PRG4: variants seen among roughly 807,000 people sequenced by gnomAD.
The protein encoded by PRG4 is articular superficial zone protein.
A neutral mutation model predicts 91.2 loss-of-function variants in PRG4; 61 were observed. The observed-to-expected ratio is 0.67, with a 90% CI of 0.54 to 0.83. The LOEUF (loss-of-function observed/expected upper bound fraction) is 0.83. PRG4 is among the 40% of genes least tolerant of loss of function. The probability of loss-of-function intolerance (pLI) is 0.00; values close to 1 mark genes in which losing one functional copy is unlikely to be tolerated. For synonymous variants in PRG4, 576 were observed against 614.2 expected (o/e 0.94, Z 0.92); for missense variants, 1,564 against 1,714.2 (o/e 0.91, Z 1.55).
At position 186,300,253 on chromosome 1, in the gene PRG4, C is replaced by T. The variant is rs757259119; in HGVS notation, c.199+40C>T. ...CGGGTGTCTCCTCTGTCAAGCAACA[C>T]TGCGAGTCTGTGAGTCCCCCCTTGC... On this transcript the variant is annotated intron_variant, in intron 3 of 12. Coordinates refer to ENST00000445192, the MANE Select transcript of PRG4 (RefSeq NM_005807.6). 10 of 1,612,630 alleles carry T rather than the reference C, an allele frequency of 6.2e-6. No individual in the cohort carries two copies. The African/African-American group carries it at 1.2e-4, about 19-fold the overall frequency.
At chr1:186,304,492 G>A (rs1656421181) in intron 5 of PRG4, among the ~76,000 whole-genome samples, 1 of 152,134 alleles carries the variant, frequency 6.6e-6, no homozygotes, top group Non-Finnish European at 1.5e-5. Context: ...AATCAGAAGG[G>A]ACAAATCTTA....
intron 2 of PRG4, among the ~76,000 whole-genome samples, chr1:186,299,299 A>G (rs1380149218): frequency 2.0e-5 from 3 of 152,240 alleles, no homozygotes; most frequent in Non-Finnish European, 4.4e-5. Flanking sequence ...AGTGGTTGTA[A>G]GCATCTGCCT....
At position 186,314,080 on chromosome 1, in the gene PRG4, G is replaced by C; in HGVS notation, c.*302G>C. 1 of 1,524,548 alleles carries C rather than the reference G, an allele frequency of 6.6e-7. No homozygotes were observed. Among genetic ancestry groups the C allele is most frequent in the Non-Finnish European group, 9.0e-7 (1 of 1,111,570 alleles). The allele number at this position is 1,524,548 out of a possible 1,614,324, so 94.4% of individuals were successfully genotyped here. A position where few individuals can be genotyped will look rare whatever the true frequency, so the allele number is the denominator to read the frequency against. ...TATATCTTTTAAGAATTCAAAACTA[G>C]TGTATTCACTTACCCTAGTTCATTA... On this transcript the variant is annotated 3_prime_UTR_variant, in exon 13 of 13. Transcript: ENST00000445192.
chr1:186,311,522 C>A lies in PRG4; in HGVS notation c.3719C>A (p.Thr1240Asn). 2 of 1,613,972 alleles carry A rather than the reference C, an allele frequency of 1.2e-6. No homozygotes were observed. The highest frequency in any genetic ancestry group is 1.7e-6 in the Non-Finnish European group (2 of 1,179,900). Residue 1240 changes from threonine to asparagine, a missense_variant, in exon 10 of 13, where the codon ACT (threonine) becomes AAT (asparagine). Transcript: ENST00000445192. ...ATTTTCAAAGGATTTGGAGGACTAA[C>A]TGGACAAATAGTGGCAGCGCTTTCA... Reference protein sequence around the residue: ...KPIFKGFGGLTGQIVAALSTA... With the variant: ...KPIFKGFGGLNGQIVAALSTA...
At chr1:186,310,016 A>G (rs569545050) in intron 8 of PRG4, 146 bp downstream of exon 8, 3 of 706,652 alleles carry the variant, frequency 4.2e-6, no homozygotes, top group Non-Finnish European at 7.6e-6. Flanking sequence ...TCCGAGAGTA[A>G]TAACAGAAAT....
At position 186,311,467 on chromosome 1, in the gene PRG4, G is replaced by A; in HGVS notation, c.3664G>A (p.Asp1222Asn). 1 of 1,613,602 alleles carries A rather than the reference G, an allele frequency of 6.2e-7. No individual in the cohort carries two copies. Among genetic ancestry groups the A allele is most frequent in the African/African-American group, 1.3e-5 (1 of 75,040 alleles). The change falls in exon 10 of 13, where the codon GAT (aspartate) becomes AAT (asparagine). Residue 1222 changes from aspartate to asparagine, a missense_variant. Transcript: ENST00000445192. ...KDSQYWRFTN[D>N]IKDAGYPKPI... is the part of the protein sequence containing the mutation. ...TTCTCAGTACTGGCGTTTTACCAATGATATAAAAGATGCAGGGTACCCCAA... is the reference window on the plus strand; with the variant it reads ...TTCTCAGTACTGGCGTTTTACCAATAATATAAAAGATGCAGGGTACCCCAA...
At chr1:186,302,922 T>C (rs1656312927) in intron 4 of PRG4, among the ~76,000 whole-genome samples, 1 of 152,104 alleles carries the variant, frequency 6.6e-6, no homozygotes, top group Admixed American at 6.5e-5. Context: ...ACCTAAAGTT[T>C]AGGTAGAACT....
rs763288617 is a variant in PRG4 at position 186,304,265 on chromosome 1, G to C, written c.469+8G>C. On this transcript the variant is annotated splice_region_variant and intron_variant, in intron 5 of 12. Transcript: ENST00000445192. ...CAGAGGAAATAACAGAAGGTAGGAA[G>C]ATGACAGATATAATCAAAGGAGCTT... 12 of 1,610,068 alleles carry C rather than the reference G, an allele frequency of 7.5e-6. No individual in the cohort carries two copies. Among genetic ancestry groups the C allele is most frequent in the Non-Finnish European group, 9.4e-6 (11 of 1,176,358 alleles).
intron 2 of PRG4, among the ~76,000 whole-genome samples, 190 bp downstream of exon 2, chr1:186,297,141 T>C (rs760277992): frequency 1.3e-5 from 2 of 152,214 alleles, no homozygotes; most frequent in Non-Finnish European, 2.9e-5. Context: ...TTTTTCTCCT[T>C]TTGAGAGTTT....
intron 10 of PRG4, 69 bp from the exon 11 acceptor site, chr1:186,312,106 G>C: frequency 7.1e-7 from 1 of 1,403,982 alleles, no homozygotes; most frequent in Non-Finnish European, 1.0e-6. Flanking sequence ...TGTAAAAGTT[G>C]TTTTCCACCT....
Position 186,304,128 on chromosome 1 carries a change from C to G in PRG4, c.340C>G (p.Pro114Ala). The G allele has an allele frequency of 6.2e-7, 1 of 1,614,058 alleles. No individual in the cohort carries two copies. The highest frequency in any genetic ancestry group is 1.1e-5 in the South Asian group (1 of 91,082). The change falls in exon 5 of 13, where the codon CCA becomes GCA. Residue 114 changes from proline to alanine, a missense_variant. Around this residue, in one of 3 missense-constraint regions of PRG4, gnomAD observed 437 missense variants for 459.0 expected, o/e 0.95. Coordinates refer to ENST00000445192, the MANE Select transcript of PRG4 (RefSeq NM_005807.6). ...CAEVHNPTSP[P>A]SSKKAPPPSG... Reference sequence around the variant, plus strand: ...CTCAGTGCATAATCCCACATCACCACCATCTTCAAAGAAAGCACCTCCACC... The same window carrying G: ...CTCAGTGCATAATCCCACATCACCAGCATCTTCAAAGAAAGCACCTCCACC...
chr1:186,302,415 C>A (rs1441672533), intron 4 of PRG4, among the ~76,000 whole-genome samples: 2 of 152,198 alleles, frequency 1.3e-5, no homozygotes, highest in Non-Finnish European at 2.9e-5. Flanking sequence ...TAAAAATATA[C>A]TTGAATACTG....
At chr1:186,313,606 T>G in intron 12 of PRG4, 75 bp from the exon 13 acceptor site, 1 of 855,776 alleles carries the variant, frequency 1.2e-6, no homozygotes, top group Non-Finnish European at 2.0e-6. Flanking sequence ...TTGAGCATAA[T>G]AGTCAACATA....
At chr1:186,309,948 C>CT (rs1657056595) in intron 8 of PRG4, 78 bp downstream of exon 8, 1 of 1,245,780 alleles carries the variant, frequency 8.0e-7, no homozygotes, top group Admixed American at 1.7e-5. Flanking sequence ...TGGAAGAGTG[C>CT]TAGTTTGGGT....
intron 1 of PRG4, 147 bp downstream of exon 1, chr1:186,296,440 T>C (rs142844853): frequency 0.02 from 3,179 of 162,896 alleles, 51 homozygotes; most frequent in Non-Finnish European, 0.031. Flanking sequence ...TGAATTTATA[T>C]TGAGAATTAA....
Position 186,307,528 on chromosome 1 carries a change from C to G in PRG4, c.1809C>G (p.Thr603=). Residue 603 remains threonine, a synonymous_variant, in exon 7 of 13, where the codon ACC becomes ACG. Transcript: ENST00000445192. ...CCACCACCAAGAAGCCTGCACCCAC[C>G]ACTCCCAAAGAGCCTGCCCCAACTA... ...APTTTKKPAP[T]TPKEPAPTTP... 2 of 1,571,458 alleles carry G rather than the reference C, an allele frequency of 1.3e-6. No homozygotes were observed. The highest frequency in any genetic ancestry group is 1.7e-6 in the Non-Finnish European group (2 of 1,149,496).
intron 12 of PRG4, 117 bp downstream of exon 12, chr1:186,313,011 TATTCTA>T (rs1657398335): frequency 2.7e-6 from 3 of 1,104,908 alleles, no homozygotes; most frequent in Non-Finnish European, 4.1e-6. Flanking sequence ...CTACGGTACT[TATTCTA>T]ATTGCTGTGG....
rs1656975333 is a variant in PRG4, at chr1:186,309,023, G to A, written c.3304G>A (p.Gly1102Arg). 1 of 1,611,476 alleles carries A rather than the reference G, an allele frequency of 6.2e-7. No individual in the cohort carries two copies. The highest frequency in any genetic ancestry group is 8.5e-7 in the Non-Finnish European group (1 of 1,178,446). Residue 1102 changes from glycine (G) to arginine (R), a missense_variant, in exon 7 of 13, where the codon GGA (glycine) becomes AGA (arginine). Around this residue, in one of 3 missense-constraint regions of PRG4, gnomAD observed 1,079 missense variants for 1,162.2 expected, o/e 0.93. Transcript: ENST00000445192. ...GAGTGAAGATGCAGGTGGTGCTGAA[G>A]GAGAAACACCTCATATGCTTCTCAG... ...PKSEDAGGAE[G>R]ETPHMLLRPH... is the part of the protein sequence containing the mutation.
At position 186,308,663 on chromosome 1, in the gene PRG4, G is replaced by A; in HGVS notation, c.2944G>A (p.Ala982Thr). 1 of 1,611,656 alleles carries A rather than the reference G, an allele frequency of 6.2e-7. No individual in the cohort carries two copies. The highest frequency in any genetic ancestry group is 8.5e-7 in the Non-Finnish European group (1 of 1,179,570). ...KITTLKTTTL[A>T]PKVTTTKKTI... ...TACTACTCTTAAAACAACTACTCTT[G>A]CACCCAAAGTAACTACAACAAAAAA... The change falls in exon 7 of 13, where the codon GCA (alanine) becomes ACA (threonine). Residue 982 changes from alanine (A) to threonine (T), a missense_variant. Physicochemically the swap from Ala to Thr is moderately conservative, Grantham distance 58. Transcript: ENST00000445192.
Sources: gnomAD v4.1 joint callset for allele counts (sites outside exome capture counted in the v4.1 genomes callset) on GRCh38, gnomAD v4.1.1 for gene constraint, gnomAD v4.1.1 regional missense constraint, MANE v1.5 for transcripts, NCBI Gene and HGNC (gene_info 2026-07-23, HGNC 2026-07-21) for gene names.